Variants in MAP3K1 observed in about 807,000 individuals in gnomAD.
MAP3K1 encodes MAP/ERK kinase kinase 1.
A neutral mutation model predicts 144.2 loss-of-function variants in MAP3K1; 36 were observed. The ratio of observed to expected loss-of-function variants is 0.25; its 90% confidence interval spans 0.19 to 0.33. The LOEUF is 0.33. MAP3K1 is among the 10% of genes least tolerant of loss of function. The pLI, the probability that MAP3K1 is intolerant of heterozygous loss-of-function variation, is 1.00. For missense variants in MAP3K1, 1,650 were observed against 1,881.9 expected (o/e 0.88, Z 2.28); for synonymous variants, 718 against 688.7 (o/e 1.04, Z -0.67).
At chr5:56,885,887 T>C (rs1203862292) in intron 16 of MAP3K1, 45 bp from the exon 17 acceptor site, 3 of 1,577,656 alleles carry the variant, frequency 1.9e-6, no homozygotes, top group Non-Finnish European at 2.6e-6. Context: ...TAAATACTTT[T>C]AATTCTGTCT....
intron 7 of MAP3K1, among the ~76,000 whole-genome samples, chr5:56,872,427 TAGTA>T (rs1747883623): frequency 1.3e-5 from 2 of 152,132 alleles, no homozygotes; most frequent in Admixed American, 1.3e-4. Context: ...TTTTGAAAAA[TAGTA>T]AGCAGAGTAC....
chr5:56,876,034 A>G (rs997326534), intron 10 of MAP3K1, among the ~76,000 whole-genome samples: 9 of 152,202 alleles, frequency 5.9e-5, no homozygotes, highest in Admixed American at 3.9e-4. Flanking sequence ...TAACCTGTTA[A>G]AAGTTCTTTC....
chr5:56,845,976 G>C (rs760569591), intron 1 of MAP3K1, among the ~76,000 whole-genome samples: 16 of 152,316 alleles, frequency 1.1e-4, no homozygotes, highest in Non-Finnish European at 2.2e-4. Context: ...AAGAGTCCTA[G>C]TATTTAGAAG....
chr5:56,880,158 G>C (rs1192248091), intron 11 of MAP3K1, among the ~76,000 whole-genome samples: 1 of 152,072 alleles, frequency 6.6e-6, no homozygotes, highest in Non-Finnish European at 1.5e-5. Context: ...TATTAGAATA[G>C]GTATATTTCT....
chr5:56,816,994 C>A lies in MAP3K1; in HGVS notation c.482+939C>A, dbSNP rs370918868. On this transcript the variant is annotated intron_variant, in intron 1 of 19. Transcript: ENST00000399503. Reference sequence around the variant, plus strand: ...CCGGCTTGGCCCGGGGACTGCGGCGCGGGTGCAGTGCTTCCTGCTCGGTGC... The same window carrying A: ...CCGGCTTGGCCCGGGGACTGCGGCGAGGGTGCAGTGCTTCCTGCTCGGTGC... The A allele has an allele frequency of 4.7e-5, 40 of 850,246 alleles. No individual in the cohort carries two copies. The African/African-American group carries it at 6.8e-4, about 14-fold the overall frequency. 52.7% of individuals were successfully genotyped at this position (850,246 alleles called of 1,614,324 possible). A position where few individuals can be genotyped will look rare whatever the true frequency, so the allele number is the denominator to read the frequency against.
In MAP3K1 at chr5:56,881,697, G is replaced by T. The variant is rs1197239776; in HGVS notation, c.2497G>T (p.Val833Leu). ...SARMVTTVPH[V>L]FSKLLEMLSV... ...AAGAATGGTTACTACAGTACCCCAT[G>T]TGTTTTCAAAACTGTTAGAAATGCT... The change falls in exon 14 of 20, where the codon GTG becomes TTG. Residue 833 changes from valine (V) to leucine (L), a missense_variant. Transcript: ENST00000399503. The T allele has an allele frequency of 6.2e-7, 1 of 1,614,128 alleles. No individual in the cohort carries two copies. Among genetic ancestry groups the T allele is most frequent in the Non-Finnish European group, 8.5e-7 (1 of 1,179,996 alleles).
At chr5:56,852,224 A>G (rs1378706866) in intron 1 of MAP3K1, 1 of 152,230 alleles carries the variant, frequency 6.6e-6, no homozygotes, top group African/African-American at 2.4e-5. Flanking sequence ...GTACTGATGA[A>G]GATGATTAGA....
chr5:56,871,442 T>C (rs1239893902), intron 6 of MAP3K1, among the ~76,000 whole-genome samples: 2 of 152,232 alleles, frequency 1.3e-5, no homozygotes, highest in Non-Finnish European at 2.9e-5. Flanking sequence ...TAGATTCATT[T>C]CTGGGAAAGT....
Position 56,895,905 on chromosome 5 carries a change from CTA to C in MAP3K1, c.*2227_*2228del, listed in dbSNP as rs1748688194. 1 of 222,074 alleles carries C rather than the reference CTA, an allele frequency of 4.5e-6. No individual in the cohort carries two copies. Among genetic ancestry groups the C allele is most frequent in the Non-Finnish European group, 8.8e-6 (1 of 114,212 alleles). 13.8% of individuals were successfully genotyped at this position (222,074 alleles called of 1,614,324 possible). A position where few individuals can be genotyped will look rare whatever the true frequency, so the allele number is the denominator to read the frequency against. ...CAATGAAATTATATTTGCTGTGTGA[CTA>C]TGATTCCTAAGATTTCCAGGGCTTA... On this transcript the variant is annotated 3_prime_UTR_variant, in exon 20 of 20. Coordinates refer to ENST00000399503, the MANE Select transcript of MAP3K1 (RefSeq NM_005921.2).
chr5:56,858,786 A>C (rs1322465628), intron 2 of MAP3K1, among the ~76,000 whole-genome samples: 1 of 152,124 alleles, frequency 6.6e-6, no homozygotes, highest in East Asian at 1.9e-4. Flanking sequence ...AAGTTTCATA[A>C]AAGGAAGAAT....
chr5:56,895,111 A>G lies in MAP3K1; in HGVS notation c.*1431A>G, dbSNP rs1339970149. 8 of 231,486 alleles carry G rather than the reference A, an allele frequency of 3.5e-5. No individual in the cohort carries two copies. The highest frequency in any genetic ancestry group is 3.4e-4 in the Admixed American group (6 of 17,734). 14.3% of individuals were successfully genotyped at this position (231,486 alleles called of 1,614,324 possible). ...ATTCTCAAAGACTCAGGATAAACTA[A>G]ATAAGCTATATATAGAGTACATTTA... On this transcript the variant is annotated 3_prime_UTR_variant, in exon 20 of 20. Transcript: ENST00000399503.
chr5:56,877,228 A>C (rs139944770), intron 10 of MAP3K1, among the ~76,000 whole-genome samples: 1 of 152,348 alleles, frequency 6.6e-6, no homozygotes, highest in East Asian at 1.9e-4. Flanking sequence ...ACCTTCAGGC[A>C]TACTTGACTA....
Position 56,815,860 on chromosome 5 carries a change from C to T in MAP3K1, c.287C>T (p.Ala96Val), listed in dbSNP as rs1561156589. The T allele has an allele frequency of 7.2e-7, 1 of 1,397,176 alleles. No individual in the cohort carries two copies. The highest frequency in any genetic ancestry group is 3.1e-5 in the East Asian group (1 of 31,878). The allele number at this position is 1,397,176 out of a possible 1,614,324, so 86.5% of individuals were successfully genotyped here. A position where few individuals can be genotyped will look rare whatever the true frequency, so the allele number is the denominator to read the frequency against. The change falls in exon 1 of 20, where the codon GCG (alanine) becomes GTG (valine). Residue 96 changes from alanine to valine, a missense_variant. By Grantham distance (64) the Ala-to-Val change is moderately conservative. Coordinates refer to ENST00000399503, the MANE Select transcript of MAP3K1 (RefSeq NM_005921.2). ...ASSTSPSPEP[A>V]DAAGSGTGFQ... ...TCGACTTCCCCGTCGCCGGAGCCCG[C>T]GGACGCAGCGGGGAGTGGGACCGGC...
chr5:56,888,415 A>G, intron 19 of MAP3K1, 58 bp downstream of exon 19: 1 of 1,557,054 alleles, frequency 6.4e-7, no homozygotes, highest in Non-Finnish European at 8.8e-7. Context: ...AGAATTTGGC[A>G]GGAGGCAAAT....
intron 1 of MAP3K1, among the ~76,000 whole-genome samples, chr5:56,832,387 ACT>A (rs1746519860): frequency 1.3e-5 from 2 of 151,966 alleles, no homozygotes; most frequent in Admixed American, 1.3e-4. Flanking sequence ...GTTCACTGTC[ACT>A]CTCCTACTGT....
At chr5:56,842,898 A>G (rs1379778291) in intron 1 of MAP3K1, among the ~76,000 whole-genome samples, 2 of 152,180 alleles carry the variant, frequency 1.3e-5, no homozygotes, top group African/African-American at 4.8e-5. Context: ...GTCAGAGCTT[A>G]TATCTTAACC....
intron 1 of MAP3K1, among the ~76,000 whole-genome samples, chr5:56,832,715 G>T (rs1460679367): frequency 6.6e-6 from 1 of 152,024 alleles, no homozygotes; most frequent in Non-Finnish European, 1.5e-5. Flanking sequence ...TATTATCTTG[G>T]AAAAATTATT....
chr5:56,832,519 T>C (rs1169614797), intron 1 of MAP3K1, among the ~76,000 whole-genome samples: 2 of 152,198 alleles, frequency 1.3e-5, no homozygotes, highest in Non-Finnish European at 2.9e-5. Flanking sequence ...CCATTTTACA[T>C]ATGAGAAATC....
chr5:56,871,379 A>G (rs950868978), intron 6 of MAP3K1, among the ~76,000 whole-genome samples: 2 of 152,320 alleles, frequency 1.3e-5, no homozygotes, highest in African/African-American at 4.8e-5. Context: ...CTTACGATAC[A>G]TTCCTAGAAG....
Sources: allele counts gnomAD v4.1 joint callset (sites outside exome capture counted in the v4.1 genomes callset), GRCh38; gene constraint gnomAD v4.1.1; transcripts MANE v1.5; gene names NCBI Gene and HGNC (gene_info 2026-07-23, HGNC 2026-07-21).